SHROOM4: variants seen among roughly 807,000 people sequenced by gnomAD.
The protein encoded by SHROOM4 is protein Shroom4.
Under a neutral mutation model 80.3 loss-of-function variants are expected in SHROOM4, and 17 were observed. The observed-to-expected ratio is 0.21, with a 90% CI of 0.14 to 0.32. The LOEUF is 0.32. Among genes scored for constraint, SHROOM4 ranks in the 10% least tolerant of loss-of-function variants. The pLI is 1.00. For synonymous variants in SHROOM4, 400 were observed against 437.5 expected (o/e 0.91, Z 1.07); for missense variants, 993 against 1,140.3 (o/e 0.87, Z 1.86).
chrX:50,716,025 A>G (rs1373394699), intron 1 of SHROOM4, among the ~76,000 whole-genome samples: 13 of 110,964 alleles, frequency 1.2e-4, no homozygotes, highest in African/African-American at 3.9e-4. Context: ...TGCAACCTTA[A>G]AAATGAAGGA....
chrX:50,607,567 T>C lies in SHROOM4; in HGVS notation c.3575A>G (p.Glu1192Gly). 4 of 1,211,336 alleles carry C rather than the reference T, an allele frequency of 3.3e-6. No individual in the cohort carries two copies. The highest frequency in any genetic ancestry group is 4.5e-6 in the Non-Finnish European group (4 of 895,393). ...ACTTTGTGAACCCTGTCTCGAGCCC[T>C]CCAGGTGGCCAAAGCTGAGGGGTTG... ...QPQPLSFGHL[E>G]GSRQGSQSVP... Residue 1192 changes from glutamate (E) to glycine (G), a missense_variant, in exon 6 of 9, where the codon GAG becomes GGG. Transcript: ENST00000376020.
At chrX:50,754,722 T>C (rs1409644137) in intron 1 of SHROOM4, among the ~76,000 whole-genome samples, 1 of 111,858 alleles carries the variant, frequency 8.9e-6, no homozygotes, top group Non-Finnish European at 1.9e-5. Context: ...CACAAAGAGA[T>C]TAACCCACTA....
chrX:50,589,394 T>A lies in SHROOM4; in HGVS notation c.*7301A>T, dbSNP rs1408265154. 2.7e-5 allele frequency among the ~76,000 whole-genome samples: 3 copies of A among 111,830 alleles called. No homozygotes were observed. Among genetic ancestry groups the A allele is most frequent in the African/African-American group, 9.7e-5 (3 of 30,802 alleles). The stretch of plus-strand genomic sequence containing the variant: ...TTGGACAACCAGGATGACAATCTAA[T>A]TTTATAATATTTTCATCATCCCCAA... On this transcript the variant is annotated 3_prime_UTR_variant, in exon 9 of 9. Transcript: ENST00000376020.
the SHROOM4 span, among the ~76,000 whole-genome samples, chrX:50,577,689 C>T: frequency 8.9e-6 from 1 of 112,061 alleles, no homozygotes; most frequent in South Asian, 3.7e-4. Context: ...ACATTATCTA[C>T]CCTTCACTAC....
chrX:50,762,615 A>C (rs1369898593), intron 1 of SHROOM4, among the ~76,000 whole-genome samples: 1 of 111,599 alleles, frequency 9.0e-6, no homozygotes, highest in Non-Finnish European at 1.9e-5. Context: ...TGTTTATCTG[A>C]GAATGTCTTT....
intron 1 of SHROOM4, among the ~76,000 whole-genome samples, chrX:50,738,643 A>G (rs782124867): frequency 9.0e-6 from 1 of 111,540 alleles, no homozygotes; most frequent in East Asian, 2.8e-4. Flanking sequence ...GACCTCTTCA[A>G]GGAGAACTAC....
chrX:50,595,872 C>T lies in SHROOM4; in HGVS notation c.*823G>A, dbSNP rs1557246426. 1 of 329,374 alleles carries T rather than the reference C, an allele frequency of 3.0e-6. No homozygotes were observed. 27.1% of individuals were successfully genotyped at this position (329,374 alleles called of 1,213,427 possible). On this transcript the variant is annotated 3_prime_UTR_variant, in exon 9 of 9. Transcript: ENST00000376020. ...AAATATAACAATAAGAACCCCCTCC[C>T]CCAATAATGAAACCTACATCTAGAA...
At chrX:50,800,962 A>G (rs782356572) in intron 1 of SHROOM4, among the ~76,000 whole-genome samples, 15 of 110,180 alleles carry the variant, frequency 1.4e-4, no homozygotes, top group African/African-American at 3.6e-4. Context: ...TGAGCTCACT[A>G]AGAGCTCATT....
intron 1 of SHROOM4, among the ~76,000 whole-genome samples, chrX:50,723,473 T>TCTAA (rs1934177324): frequency 9.2e-6 from 1 of 109,033 alleles, no homozygotes; most frequent in African/African-American, 3.4e-5. Context: ...ACCCTCCTGT[T>TCTAA]CTTTAGGAGT....
chrX:50,584,055 G>C (rs1213121130), downstream of SHROOM4, among the ~76,000 whole-genome samples: 1 of 112,026 alleles, frequency 8.9e-6, no homozygotes. Context: ...TCTCTCTTGA[G>C]CTTTTGACTT....
chrX:50,748,070 C>T (rs1352063599), intron 1 of SHROOM4, among the ~76,000 whole-genome samples: 1 of 111,875 alleles, frequency 8.9e-6, no homozygotes, highest in Non-Finnish European at 1.9e-5. Flanking sequence ...TACTGATGAA[C>T]TGAAAGAGGA....
At chrX:50,743,333 G>C (rs782151515) in intron 1 of SHROOM4, among the ~76,000 whole-genome samples, 1 of 111,601 alleles carries the variant, frequency 9.0e-6, no homozygotes, top group Non-Finnish European at 1.9e-5. Context: ...TCAACTAAGA[G>C]AAGAGGGAGA....
At chrX:50,746,342 G>A (rs1380897881) in intron 1 of SHROOM4, among the ~76,000 whole-genome samples, 4 of 111,553 alleles carry the variant, frequency 3.6e-5, no homozygotes, top group African/African-American at 1.3e-4. Flanking sequence ...TGGTGGTGAA[G>A]TTTCTCTTTT....
rs1929116640 is a variant in SHROOM4 at position 50,596,456 on chromosome X, G to T, written c.*239C>A. ...TTGCCCTTGGCAACTGTGGGAAGGA[G>T]AGTGTGGTTCTAAGATCACACCTTG... On this transcript the variant is annotated 3_prime_UTR_variant, in exon 9 of 9. Coordinates refer to ENST00000376020, the MANE Select transcript of SHROOM4 (RefSeq NM_020717.5). The T allele has an allele frequency of 7.9e-6, 4 of 508,069 alleles. No homozygotes were observed. The East Asian group carries it at 1.5e-4, about 19-fold the overall frequency. The allele number at this position is 508,069 out of a possible 1,213,427, so 41.9% of individuals were successfully genotyped here. A position where few individuals can be genotyped will look rare whatever the true frequency, so the allele number is the denominator to read the frequency against.
chrX:50,653,988 A>G (rs2103996), intron 2 of SHROOM4, among the ~76,000 whole-genome samples: 25,181 of 111,300 alleles, frequency 0.23, 4,567 homozygotes, highest in African/African-American at 0.62. Flanking sequence ...TGTAGCATAC[A>G]TTTTAAAACA....
intron 1 of SHROOM4, among the ~76,000 whole-genome samples, chrX:50,704,221 C>T (rs1448193780): frequency 2.7e-5 from 3 of 111,740 alleles, no homozygotes; most frequent in Non-Finnish European, 5.6e-5. Flanking sequence ...ATAAAGAGGA[C>T]ATATCAATTC....
At chrX:50,618,287 CCT>C (rs1254748805) in intron 5 of SHROOM4, among the ~76,000 whole-genome samples, 42 of 220 alleles carry the variant, frequency 0.19, no homozygotes, top group Non-Finnish European at 0.24. Flanking sequence ...CCCCTTCCTT[CCT>C]TCCTTCCTTC....
rs1205356576 is a variant in SHROOM4, at chrX:50,814,159, C to T, written c.-141G>A. The T allele has an allele frequency of 2.1e-6, 1 of 484,835 alleles. No individual in the cohort carries two copies. The highest frequency in any genetic ancestry group is 3.7e-6 in the Non-Finnish European group (1 of 270,269). The allele number at this position is 484,835 out of a possible 1,213,427, so 40.0% of individuals were successfully genotyped here. On this transcript the variant is annotated 5_prime_UTR_variant, in exon 1 of 9. Coordinates refer to ENST00000376020, the MANE Select transcript of SHROOM4 (RefSeq NM_020717.5). Reference sequence around the variant, plus strand: ...CTCCGCCTACTCTCCCGGCTGGAGACGCTCAGGCAGCGAGCGAGCGCAAGG... The same window carrying T: ...CTCCGCCTACTCTCCCGGCTGGAGATGCTCAGGCAGCGAGCGAGCGCAAGG...
chrX:50,812,317 TAA>T (rs34184946), intron 1 of SHROOM4, among the ~76,000 whole-genome samples: 34,828 of 66,620 alleles, frequency 0.52, 8,125 homozygotes, highest in East Asian at 0.78. Flanking sequence ...GTGTTTTTGT[TAA>T]AAAAAAAAAA....
Sources: allele counts gnomAD v4.1 joint callset (sites outside exome capture counted in the v4.1 genomes callset), GRCh38; gene constraint gnomAD v4.1.1; transcripts MANE v1.5; gene names NCBI Gene and HGNC (gene_info 2026-07-23, HGNC 2026-07-21).